Variants in CEPT1 observed in about 807,000 individuals in gnomAD.
CEPT1 encodes choline/ethanolaminephosphotransferase 1.
CEPT1 carries 7 observed loss-of-function variants against 42.6 expected under a neutral mutation model. The ratio of observed to expected loss-of-function variants is 0.16; its 90% CI spans 0.09 to 0.31. CEPT1 has a LOEUF of 0.31. CEPT1 is among the 10% of genes least tolerant of loss of function. The probability of loss-of-function intolerance (pLI) is 1.00; values close to 1 mark genes in which losing one functional copy is unlikely to be tolerated. For missense variants in CEPT1, 306 were observed against 502.1 expected (o/e 0.61, Z 3.73); for synonymous variants, 171 against 171.9 (o/e 0.99, Z 0.04).
chr1:111,167,391 A>G, intron 4 of CEPT1: 1 of 931,662 alleles, frequency 1.1e-6, no homozygotes, highest in African/African-American at 1.8e-5. Flanking sequence ...ATTTTTAAAA[A>G]GTGGTATTTC....
rs1184597266 is a variant in CEPT1, at chr1:111,182,260, C to G, written c.788C>G (p.Thr263Arg). ...CTVAGTIFSC[T>R]NYFRVIFTGG... is the part of the protein sequence containing the mutation. ...GTAGCAGGGACCATATTTTCCTGTA[C>G]AAATTACTTCCGTGTAATCTTCACA... is the stretch of plus-strand genomic sequence containing the variant. Residue 263 changes from threonine to arginine, a missense_variant, in exon 6 of 9, where the codon ACA becomes AGA. This residue lies in a region of CEPT1 where 253 missense variants were observed against 447.3 expected (regional missense o/e 0.57). Transcript: ENST00000357172. The G allele has an allele frequency of 6.2e-7, 1 of 1,613,012 alleles. No homozygotes were observed. Among genetic ancestry groups the G allele is most frequent in the East Asian group, 2.2e-5 (1 of 44,766 alleles).
intron 8 of CEPT1, 91 bp downstream of exon 8, chr1:111,183,678 C>T (rs545180398): frequency 5.8e-5 from 73 of 1,255,164 alleles, no homozygotes; most frequent in Non-Finnish European, 7.9e-5. Context: ...AAAGATCGTT[C>T]ATATAATTGT....
At chr1:111,143,474 T>C (rs550372681) in intron 1 of CEPT1, 2 of 152,372 alleles carry the variant, frequency 1.3e-5, no homozygotes, top group South Asian at 2.1e-4. Context: ...CTTTTCCCAC[T>C]GGACATAGGA....
chr1:111,161,375 A>C (rs1310894708), intron 4 of CEPT1, 79 bp downstream of exon 4: 1 of 1,313,796 alleles, frequency 7.6e-7, no homozygotes, highest in Non-Finnish European at 1.0e-6. Context: ...TGAGTATTAG[A>C]AATTGATCAA....
chr1:111,149,909 C>T (rs1374351522), intron 2 of CEPT1, among the ~76,000 whole-genome samples: 2 of 152,082 alleles, frequency 1.3e-5, no homozygotes, highest in Admixed American at 6.6e-5. Context: ...TAATGTGTTC[C>T]CCTGTAATAC....
intron 1 of CEPT1, among the ~76,000 whole-genome samples, chr1:111,146,644 A>G (rs1420954582): frequency 6.6e-6 from 1 of 152,090 alleles, no homozygotes; most frequent in African/African-American, 2.4e-5. Flanking sequence ...TATTTTCTCC[A>G]TTCTGATTCA....
chr1:111,182,376 ATTT>A (rs1308217378), intron 6 of CEPT1, 58 bp downstream of exon 6: 1 of 1,528,082 alleles, frequency 6.5e-7, no homozygotes. Context: ...TTTTGTTGTC[ATTT>A]TGTTTTTTAT....
intron 2 of CEPT1, among the ~76,000 whole-genome samples, chr1:111,148,747 T>C (rs1655110949): frequency 6.6e-6 from 1 of 152,228 alleles, no homozygotes; most frequent in South Asian, 2.1e-4. Flanking sequence ...TAGAACTCTT[T>C]ATCAGAATAG....
chr1:111,171,988 C>T (rs1002092304), intron 4 of CEPT1, among the ~76,000 whole-genome samples: 6 of 152,198 alleles, frequency 3.9e-5, no homozygotes, highest in African/African-American at 9.7e-5. Context: ...CCGCCTGCCT[C>T]GGCCTCCCCA....
chr1:111,162,649 C>T (rs1655933102), intron 4 of CEPT1, among the ~76,000 whole-genome samples: 1 of 152,084 alleles, frequency 6.6e-6, no homozygotes, highest in Non-Finnish European at 1.5e-5. Context: ...TAGTAGGAGG[C>T]GTACTGGAAT....
intron 2 of CEPT1, among the ~76,000 whole-genome samples, chr1:111,149,246 T>C (rs1256261566): frequency 1.3e-5 from 2 of 151,292 alleles, no homozygotes; most frequent in Non-Finnish European, 2.9e-5. Flanking sequence ...ATTTTATAGA[T>C]GTAAAATCTG....
chr1:111,148,428 G>C (rs183068016), intron 2 of CEPT1, among the ~76,000 whole-genome samples: 42 of 150,328 alleles, frequency 2.8e-4, no homozygotes, highest in African/African-American at 1.0e-3. Context: ...TGGCATGACT[G>C]TAAACTAGCC....
At chr1:111,183,894 A>C (rs1657120192) in intron 8 of CEPT1, among the ~76,000 whole-genome samples, 1 of 152,216 alleles carries the variant, frequency 6.6e-6, no homozygotes, top group Non-Finnish European at 1.5e-5. Flanking sequence ...TGGTAAATAC[A>C]GTTTTATTGG....
chr1:111,142,919 T>C (rs1195166918), intron 1 of CEPT1, among the ~76,000 whole-genome samples: 2 of 152,198 alleles, frequency 1.3e-5, no homozygotes, highest in African/African-American at 4.8e-5. Context: ...CTACAATAGC[T>C]ATAGGACTGT....
chr1:111,164,830 A>G (rs551661619), intron 4 of CEPT1, among the ~76,000 whole-genome samples: 4 of 151,940 alleles, frequency 2.6e-5, no homozygotes, highest in East Asian at 3.9e-4. Flanking sequence ...TCACCGTGTT[A>G]GCCAGGATGG....
At chr1:111,163,537 A>C (rs986925066) in intron 4 of CEPT1, among the ~76,000 whole-genome samples, 3 of 152,036 alleles carry the variant, frequency 2.0e-5, no homozygotes, top group African/African-American at 7.2e-5. Context: ...CTGGAAATAG[A>C]GGTTGCAGTG....
chr1:111,140,346 T>G (rs1189818944), intron 1 of CEPT1, 39 bp downstream of exon 1: 5 of 153,480 alleles, frequency 3.3e-5, no homozygotes, highest in African/African-American at 1.2e-4. Flanking sequence ...GTGAAGGATT[T>G]GAAGGGCGTT....
At position 111,174,966 on chromosome 1, in the gene CEPT1, A is replaced by G; in HGVS notation, c.714+3A>G. The G allele has an allele frequency of 6.3e-7, 1 of 1,574,880 alleles. No individual in the cohort carries two copies. The highest frequency in any genetic ancestry group is 8.7e-7 in the Non-Finnish European group (1 of 1,144,614). ...GACCACCTTTTTGGCAATCTATGGT[A>G]ACTTTGTTCACATTGTGTATCCCAT... On this transcript the variant is annotated splice_donor_region_variant and intron_variant, in intron 5 of 8. Transcript: ENST00000357172.
chr1:111,162,481 T>C (rs1278780363), intron 4 of CEPT1, among the ~76,000 whole-genome samples: 2 of 152,068 alleles, frequency 1.3e-5, no homozygotes, highest in African/African-American at 2.4e-5. Context: ...TGGATGAAGG[T>C]AGAGAAAGGC....
Sources: gnomAD v4.1 joint callset for allele counts (sites outside exome capture counted in the v4.1 genomes callset) on GRCh38, gnomAD v4.1.1 for gene constraint, gnomAD v4.1.1 regional missense constraint, MANE v1.5 for transcripts, NCBI Gene and HGNC (gene_info 2026-07-23, HGNC 2026-07-21) for gene names.